F13A1: variants seen among roughly 807,000 people sequenced by gnomAD.
The protein encoded by F13A1 is FSF, A subunit.
In F13A1, 47 loss-of-function variants were observed where a neutral mutation model predicts 80.1. The ratio of observed to expected loss-of-function variants is 0.59; its 90% CI spans 0.46 to 0.75. F13A1 has a LOEUF of 0.75. Among genes scored for constraint, F13A1 ranks in the 30% least tolerant of loss-of-function variants. The pLI, the probability that F13A1 is intolerant of heterozygous loss-of-function variation, is 0.00. For missense variants in F13A1, 817 were observed against 930.4 expected (o/e 0.88, Z 1.59); for synonymous variants, 349 against 344.9 (o/e 1.01, Z -0.13).
chr6:6,219,015 T>C (rs535713989), intron 8 of F13A1, among the ~76,000 whole-genome samples: 9 of 152,208 alleles, frequency 5.9e-5, no homozygotes, highest in East Asian at 3.9e-4. Flanking sequence ...CTGTGGACCA[T>C]TGGGACCTGA....
chr6:6,284,956 T>C (rs1443263805), intron 3 of F13A1, among the ~76,000 whole-genome samples: 1 of 152,216 alleles, frequency 6.6e-6, no homozygotes, highest in African/African-American at 2.4e-5. Context: ...CTCAATTATA[T>C]ACTCTCTGAC....
At chr6:6,288,831 G>C (rs1758172873) in intron 3 of F13A1, among the ~76,000 whole-genome samples, 1 of 152,094 alleles carries the variant, frequency 6.6e-6, no homozygotes, top group Admixed American at 6.6e-5. Context: ...ATTCTCTTTG[G>C]TAGTAACCAT....
intron 2 of F13A1, among the ~76,000 whole-genome samples, chr6:6,308,216 G>A (rs992009174): frequency 6.6e-6 from 1 of 152,084 alleles, no homozygotes; most frequent in Non-Finnish European, 1.5e-5. Flanking sequence ...TAGAGACGGG[G>A]TTTCACCATG....
intron 6 of F13A1, among the ~76,000 whole-genome samples, chr6:6,235,691 G>C (rs982624678): frequency 1.7e-4 from 26 of 152,076 alleles, no homozygotes; most frequent in African/African-American, 5.8e-4. Context: ...TGGTGGGAAT[G>C]TAAAATGCCC....
chr6:6,178,978 G>A (rs921437290), intron 11 of F13A1, among the ~76,000 whole-genome samples: 1 of 152,206 alleles, frequency 6.6e-6, no homozygotes, highest in Non-Finnish European at 1.5e-5. Context: ...TGCGCGGAAG[G>A]AGTGGAGAAG....
rs560330112 is a variant in F13A1, at chr6:6,272,633, C to T, written c.320-5824G>A. Among the ~76,000 whole-genome samples, 8 of 152,238 alleles carry T rather than the reference C, an allele frequency of 5.3e-5. No individual in the cohort carries two copies. The South Asian group carries it at 1.7e-3, about 32-fold the overall frequency. On this transcript the variant is annotated intron_variant, in intron 3 of 14. Transcript: ENST00000264870. Reference sequence around the variant, plus strand: ...AACGTAGGAGAGCCAGGGTCACAACCTTTTTAAATCAACTGCATCTGAAAA... The same window carrying T: ...AACGTAGGAGAGCCAGGGTCACAACTTTTTTAAATCAACTGCATCTGAAAA...
At chr6:6,276,489 T>A (rs1345989483) in intron 3 of F13A1, among the ~76,000 whole-genome samples, 1 of 152,238 alleles carries the variant, frequency 6.6e-6, no homozygotes, top group Non-Finnish European at 1.5e-5. Flanking sequence ...TGTACCCAAT[T>A]GCCTCCAGTA....
In F13A1 at chr6:6,318,562, C is replaced by T. The variant is rs5985; in HGVS notation, c.103G>A (p.Val35Met). Reference protein sequence around the residue: ...DDLPTVELQGVVPRGVNLQEF... With the variant: ...DDLPTVELQGMVPRGVNLQEF... ...TGCAGGTTGACGCCCCGGGGCACCA[C>T]GCCCTGAAGCTCCACTGTGGGCAGG... The change falls in exon 2 of 15, where the codon GTG (valine) becomes ATG (methionine). Residue 35 changes from valine (V) to methionine (M), a missense_variant. Transcript: ENST00000264870. 21 of 1,613,376 alleles carry T rather than the reference C, an allele frequency of 1.3e-5. 1 individual carries two copies. The highest frequency in any genetic ancestry group is 1.1e-4 in the East Asian group (5 of 44,878).
chr6:6,241,626 G>A (rs758795769), intron 6 of F13A1, among the ~76,000 whole-genome samples: 5 of 151,998 alleles, frequency 3.3e-5, no homozygotes, highest in South Asian at 4.1e-4. Flanking sequence ...ATCTACGACC[G>A]TTCACTCCAA....
At chr6:6,200,813 G>A (rs1268451801) in intron 8 of F13A1, among the ~76,000 whole-genome samples, 1 of 152,108 alleles carries the variant, frequency 6.6e-6, no homozygotes, top group African/African-American at 2.4e-5. Context: ...GGGAGAGAAG[G>A]GTACAGATGT....
rs138400988 is a variant in F13A1, at chr6:6,163,406, G to A, written c.1908+4052C>T. 9.2e-4 allele frequency among the ~76,000 whole-genome samples: 140 copies of A among 152,170 alleles called. 3 individuals carry two copies. In the East Asian group the frequency reaches 0.02, roughly 21 times the overall value. On this transcript the variant is annotated intron_variant, in intron 13 of 14. Coordinates refer to ENST00000264870, the MANE Select transcript of F13A1 (RefSeq NM_000129.4). The stretch of plus-strand genomic sequence containing the variant: ...TATATAGGTAAACTCATGTCATGAG[G>A]GTTGTACAGATTATTTTGTCACAAA...
chr6:6,229,125 T>G (rs1757316670), intron 6 of F13A1, among the ~76,000 whole-genome samples: 1 of 152,194 alleles, frequency 6.6e-6, no homozygotes, highest in Admixed American at 6.5e-5. Context: ...TGAGAAGAAT[T>G]TCATTTATTA....
At chr6:6,233,760 G>C (rs1023336637) in intron 6 of F13A1, among the ~76,000 whole-genome samples, 2 of 152,054 alleles carry the variant, frequency 1.3e-5, no homozygotes, top group African/African-American at 4.8e-5. Context: ...ATGATCAAGT[G>C]GGTTTCATAA....
chr6:6,189,863 G>A (rs373602983), intron 10 of F13A1, among the ~76,000 whole-genome samples: 32 of 152,130 alleles, frequency 2.1e-4, no homozygotes, highest in African/African-American at 5.8e-4. Flanking sequence ...AGGTACACCA[G>A]TGAGACGTAG....
intron 3 of F13A1, among the ~76,000 whole-genome samples, chr6:6,288,857 G>A (rs555465844): frequency 2.5e-4 from 38 of 152,292 alleles, no homozygotes; most frequent in African/African-American, 8.7e-4. Context: ...CAGGTATGAG[G>A]TGGCACCTCA....
At chr6:6,262,886 A>G (rs957599165) in intron 4 of F13A1, among the ~76,000 whole-genome samples, 2 of 151,826 alleles carry the variant, frequency 1.3e-5, no homozygotes, top group Non-Finnish European at 2.9e-5. Context: ...CAAGGATTTC[A>G]CTCCTGAAAC....
chr6:6,250,974 T>C lies in F13A1; in HGVS notation c.572-45A>G. The C allele has an allele frequency of 2.2e-6, 3 of 1,365,012 alleles. No individual in the cohort carries two copies. Among genetic ancestry groups the C allele is most frequent in the Non-Finnish European group, 3.1e-6 (3 of 955,686 alleles). 84.6% of individuals were successfully genotyped at this position (1,365,012 alleles called of 1,614,324 possible). ...TAGTGACTATTACCAAACCAGACTGTTTCCAAACACTTGCAAGTTTATGCA... is the reference window on the plus strand; with the variant it reads ...TAGTGACTATTACCAAACCAGACTGCTTCCAAACACTTGCAAGTTTATGCA... On this transcript the variant is annotated intron_variant, in intron 4 of 14. Coordinates refer to ENST00000264870, the MANE Select transcript of F13A1 (RefSeq NM_000129.4). This position sits in a 1 kb window ranked among gnomAD's most constrained non-coding sequence, Gnocchi z 4.2.
chr6:6,306,828 G>T (rs558081760), intron 2 of F13A1, among the ~76,000 whole-genome samples: 13 of 152,322 alleles, frequency 8.5e-5, no homozygotes, highest in African/African-American at 2.6e-4. Flanking sequence ...TGCCATAGTC[G>T]AATGGCTTCC....
At chr6:6,187,864 TG>T (rs1347027127) in intron 10 of F13A1, among the ~76,000 whole-genome samples, 1 of 137,728 alleles carries the variant, frequency 7.3e-6, no homozygotes, top group East Asian at 2.1e-4. Context: ...GGACTCTTTT[TG>T]GTTGGTAAGC....
Sources: allele counts gnomAD v4.1 joint callset (sites outside exome capture counted in the v4.1 genomes callset), GRCh38; gene constraint gnomAD v4.1.1; non-coding constraint Gnocchi (gnomAD v3.1); transcripts MANE v1.5; gene names NCBI Gene and HGNC (gene_info 2026-07-23, HGNC 2026-07-21).